The following DST variants were observed in gnomAD, a reference collection of about 807,000 sequenced individuals.
DST encodes the protein dystonin.
DST carries 253 observed loss-of-function variants against 875.2 expected under a neutral mutation model. The ratio of observed to expected loss-of-function variants is 0.29; its 90% CI spans 0.26 to 0.32. DST has a LOEUF of 0.32. DST is among the 10% of genes least tolerant of loss of function. DST has a pLI of 1.00. For synonymous variants in DST, 3,124 were observed against 3,197.1 expected (o/e 0.98, Z 0.77); for missense variants, 8,287 against 9,111.6 (o/e 0.91, Z 3.68).
intron 3 of DST, among the ~76,000 whole-genome samples, chr6:56,882,842 G>A (rs1466504369): frequency 1.3e-5 from 2 of 152,144 alleles, no homozygotes; most frequent in African/African-American, 4.8e-5. Flanking sequence ...CAAGACAAAA[G>A]TCAAGCAATG....
At chr6:56,546,353 T>C (rs1469014265) in intron 61 of DST, among the ~76,000 whole-genome samples, 1 of 35,770 alleles carries the variant, frequency 2.8e-5, no homozygotes. Flanking sequence ...ATTTCATATA[T>C]ATATATATAT....
At position 56,527,609 on chromosome 6, in the gene DST, G is replaced by T. The variant is rs2096826104; in HGVS notation, c.17806C>A (p.His5936Asn). 6.2e-7 allele frequency: 1 copy of T among 1,613,828 alleles called. No individual in the cohort carries two copies. Among genetic ancestry groups the T allele is most frequent in the Non-Finnish European group, 8.5e-7 (1 of 1,179,830 alleles). ...GTACACAGCTCTTCGTGTGTGGAGT[G>T]CAGCCGCCTTGCAAGCTGCAGCGCC... ...EQALQLARRLHSTHEELCTWL... is the reference protein window; with the variant it reads ...EQALQLARRLNSTHEELCTWL... Residue 5936 changes from histidine to asparagine, a missense_variant, in exon 68 of 104, where the codon CAC (histidine) becomes AAC (asparagine). Transcript: ENST00000680361.
chr6:56,565,358 A>G (rs1244362073), intron 55 of DST, among the ~76,000 whole-genome samples: 2 of 151,784 alleles, frequency 1.3e-5, no homozygotes, highest in East Asian at 1.9e-4. Flanking sequence ...TGATCTTGTG[A>G]TCCGCTCGCC....
At chr6:56,687,318 A>G (rs2152852739) in intron 9 of DST, among the ~76,000 whole-genome samples, 1 of 152,332 alleles carries the variant, frequency 6.6e-6, no homozygotes, top group East Asian at 1.9e-4. Flanking sequence ...CATGCTCAGG[A>G]TTCTTCTCCT....
intron 3 of DST, among the ~76,000 whole-genome samples, chr6:56,894,784 A>G (rs1174204801): frequency 1.3e-5 from 1 of 77,008 alleles, no homozygotes; most frequent in Non-Finnish European, 2.3e-5. Context: ...CTCCCGGACG[A>G]GGCGGCTGGC....
intron 69 of DST, among the ~76,000 whole-genome samples, chr6:56,524,796 C>A (rs888329702): frequency 8.6e-5 from 13 of 151,972 alleles, no homozygotes; most frequent in Non-Finnish European, 1.8e-4. Flanking sequence ...TATATAAATT[C>A]TCCTCCTCTT....
chr6:56,573,935 T>A, intron 50 of DST, 48 bp from the exon 51 acceptor site: 1 of 1,396,068 alleles, frequency 7.2e-7, no homozygotes, highest in Non-Finnish European at 9.9e-7. Context: ...CTCTTTGCCC[T>A]ATCCCTTTTC....
At chr6:56,952,932 A>G (rs1366220631) in intron 2 of DST, among the ~76,000 whole-genome samples, 3 of 152,248 alleles carry the variant, frequency 2.0e-5, no homozygotes, top group African/African-American at 4.8e-5. Flanking sequence ...TTAAGCAACT[A>G]GAACCCAATA....
chr6:56,487,616 G>A, intron 86 of DST, among the ~76,000 whole-genome samples: 1 of 152,090 alleles, frequency 6.6e-6, no homozygotes, highest in East Asian at 1.9e-4. Context: ...AGGGTTTATG[G>A]GGATAAAAAC....
chr6:56,873,487 G>A (rs1024433304), intron 3 of DST, among the ~76,000 whole-genome samples: 16 of 152,032 alleles, frequency 1.1e-4, no homozygotes, highest in Admixed American at 2.0e-4. Context: ...AAATTATAAG[G>A]AAATTGTGAG....
chr6:56,529,804 AAAAC>A (rs2096863885), intron 65 of DST, 30 bp from the exon 66 acceptor site: 1 of 1,481,570 alleles, frequency 6.7e-7, no homozygotes, highest in Admixed American at 2.7e-5. Context: ...ATAAAGAAGA[AAAAC>A]AAAAAGAATG....
chr6:56,538,742 G>C (rs1461592185), intron 61 of DST, among the ~76,000 whole-genome samples: 2 of 151,932 alleles, frequency 1.3e-5, no homozygotes, highest in Admixed American at 1.3e-4. Flanking sequence ...TTTCCATACT[G>C]GCAGTTTATA....
intron 4 of DST, among the ~76,000 whole-genome samples, chr6:56,791,460 T>G (rs2099723386): frequency 6.6e-6 from 1 of 152,124 alleles, no homozygotes; most frequent in Non-Finnish European, 1.5e-5. Context: ...CAAATTTGAA[T>G]AGCGAATATC....
intron 47 of DST, among the ~76,000 whole-genome samples, 152 bp from the exon 48 acceptor site, chr6:56,594,345 T>C (rs2098335108): frequency 6.6e-6 from 1 of 152,180 alleles, no homozygotes; most frequent in Non-Finnish European, 1.5e-5. Context: ...CGTACTCCCT[T>C]TTATTGGTGG....
At chr6:56,672,360 T>A (rs114718840) in intron 9 of DST, among the ~76,000 whole-genome samples, 34 of 152,304 alleles carry the variant, frequency 2.2e-4, no homozygotes, top group African/African-American at 7.7e-4. Flanking sequence ...TGACAAATGG[T>A]CAGGATTTAA....
At chr6:56,613,172 A>AG (rs2098558813) in intron 37 of DST, among the ~76,000 whole-genome samples, 1 of 152,276 alleles carries the variant, frequency 6.6e-6, no homozygotes, top group South Asian at 2.1e-4. Flanking sequence ...CTATTTAATG[A>AG]GGGGGGAGAA....
chr6:56,865,240 C>T, intron 3 of DST, among the ~76,000 whole-genome samples: 1 of 151,118 alleles, frequency 6.6e-6, no homozygotes, highest in Non-Finnish European at 1.5e-5. Flanking sequence ...TGACAATCTA[C>T]CTCCCTGCTT....
At chr6:56,921,191 T>C (rs903375205) in intron 2 of DST, among the ~76,000 whole-genome samples, 16 of 152,186 alleles carry the variant, frequency 1.1e-4, no homozygotes, top group African/African-American at 3.6e-4. Flanking sequence ...TAACATGTGA[T>C]TCTGTTCCTC....
chr6:56,935,370 C>T (rs985437777), intron 2 of DST, among the ~76,000 whole-genome samples: 7 of 152,244 alleles, frequency 4.6e-5, no homozygotes, highest in Admixed American at 2.0e-4. Flanking sequence ...CTGCCTGCTG[C>T]GTGCAGCTCA....
Sources: gnomAD v4.1 joint callset for allele counts (sites outside exome capture counted in the v4.1 genomes callset) on GRCh38, gnomAD v4.1.1 for gene constraint, MANE v1.5 for transcripts, NCBI Gene and HGNC (gene_info 2026-07-23, HGNC 2026-07-21) for gene names.